Variants in EPHA6 observed in about 807,000 individuals in gnomAD.
EPHA6 encodes the protein ephrin type-A receptor 6.
A neutral mutation model predicts 112.0 loss-of-function variants in EPHA6; 50 were observed. The ratio of observed to expected loss-of-function variants is 0.45; its 90% CI spans 0.36 to 0.56. EPHA6 has a LOEUF of 0.56. EPHA6 is among the 20% of genes least tolerant of loss of function. EPHA6 has a pLI of 0.00. For missense variants in EPHA6, 1,280 were observed against 1,417.4 expected (o/e 0.90, Z 1.56); for synonymous variants, 529 against 490.7 (o/e 1.08, Z -1.03).
chr3:97,299,452 G>A (rs1041195708), intron 5 of EPHA6, among the ~76,000 whole-genome samples: 4 of 152,128 alleles, frequency 2.6e-5, no homozygotes, highest in African/African-American at 9.7e-5. Context: ...GGAAATAAAT[G>A]TGGGAGAGTT....
rs2036096889 is a variant in EPHA6, at chr3:97,759,194, C to T, written c.*10493C>T. 6.6e-6 allele frequency among the ~76,000 whole-genome samples: 1 copy of T among 151,958 alleles called. No individual in the cohort carries two copies. Among genetic ancestry groups the T allele is most frequent in the African/African-American group, 2.4e-5 (1 of 41,416 alleles). On this transcript the variant is annotated 3_prime_UTR_variant, in exon 18 of 18. Coordinates refer to ENST00000389672, the MANE Select transcript of EPHA6 (RefSeq NM_001080448.3). ...TAAGAAGTCAAGATTAGAACAAAGA[C>T]ATGTCCATGGGAATTAGCAACATGG... is the stretch of plus-strand genomic sequence containing the variant.
At chr3:97,712,834 T>C (rs528449364) in intron 14 of EPHA6, among the ~76,000 whole-genome samples, 56 of 152,286 alleles carry the variant, frequency 3.7e-4, no homozygotes, top group Middle Eastern at 3.4e-3. Flanking sequence ...TGCTTATACA[T>C]TTAAACAATG....
intron 11 of EPHA6, 68 bp from the exon 12 acceptor site, chr3:97,592,544 C>A: frequency 6.4e-7 from 1 of 1,568,266 alleles, no homozygotes. Flanking sequence ...AGGTTTTATT[C>A]CATGTAAATG....
At chr3:97,663,770 T>C (rs2094186465) in intron 14 of EPHA6, among the ~76,000 whole-genome samples, 1 of 152,220 alleles carries the variant, frequency 6.6e-6, no homozygotes, top group Non-Finnish European at 1.5e-5. Context: ...GTCTTTGCTA[T>C]TGTGAATAGT....
At chr3:97,571,392 A>T (rs2093331718) in intron 11 of EPHA6, among the ~76,000 whole-genome samples, 1 of 152,192 alleles carries the variant, frequency 6.6e-6, no homozygotes, top group South Asian at 2.1e-4. Context: ...AAAAAGTTTT[A>T]AAGTTAAAAC....
intron 3 of EPHA6, among the ~76,000 whole-genome samples, chr3:97,121,862 T>C (rs1008749457): frequency 4.6e-5 from 7 of 152,166 alleles, no homozygotes; most frequent in Non-Finnish European, 8.8e-5. Context: ...TGAGAATATA[T>C]TGAGGAACAC....
chr3:97,221,378 A>G (rs545222488), intron 3 of EPHA6, among the ~76,000 whole-genome samples: 35 of 151,728 alleles, frequency 2.3e-4, no homozygotes, highest in Non-Finnish European at 3.8e-4. Flanking sequence ...ATTTTTCTAA[A>G]GGAAAAAATA....
chr3:96,971,051 A>G (rs927219528), intron 2 of EPHA6, among the ~76,000 whole-genome samples: 2 of 152,106 alleles, frequency 1.3e-5, no homozygotes, highest in Admixed American at 6.6e-5. Flanking sequence ...TAGAAATCCT[A>G]TAAATCTTCA....
intron 6 of EPHA6, among the ~76,000 whole-genome samples, chr3:97,445,565 C>T (rs1577435749): frequency 6.6e-6 from 1 of 151,724 alleles, no homozygotes; most frequent in Non-Finnish European, 1.5e-5. Flanking sequence ...AATTTGTAAG[C>T]TTAAATTATA....
At chr3:97,488,857 G>T (rs2091763884) in intron 10 of EPHA6, among the ~76,000 whole-genome samples, 1 of 152,110 alleles carries the variant, frequency 6.6e-6, no homozygotes, top group Non-Finnish European at 1.5e-5. Context: ...ACAGATTTTG[G>T]CAAGGCCTTT....
At chr3:97,505,565 T>C (rs1284973869) in intron 10 of EPHA6, among the ~76,000 whole-genome samples, 1 of 152,148 alleles carries the variant, frequency 6.6e-6, no homozygotes, top group African/African-American at 2.4e-5. Flanking sequence ...ATATGTGCCA[T>C]GTTTTCTTTA....
chr3:96,821,422 A>T (rs555387599), intron 1 of EPHA6, among the ~76,000 whole-genome samples: 12 of 151,984 alleles, frequency 7.9e-5, no homozygotes, highest in South Asian at 6.2e-4. Context: ...TTTTATAGTT[A>T]TTTCATTTAA....
intron 1 of EPHA6, among the ~76,000 whole-genome samples, chr3:96,816,278 G>A (rs1300519476): frequency 2.0e-5 from 3 of 152,148 alleles, no homozygotes; most frequent in Non-Finnish European, 2.9e-5. Flanking sequence ...CTGACAGAAT[G>A]CAATCACAAA....
Position 96,870,168 on chromosome 3 carries a change from T to A in EPHA6, c.450+3279T>A, listed in dbSNP as rs576111666. Among the ~76,000 whole-genome samples, 13 of 152,134 alleles carry A rather than the reference T, an allele frequency of 8.5e-5. No homozygotes were observed. In the South Asian group the frequency reaches 2.5e-3, roughly 29 times the overall value. On this transcript the variant is annotated intron_variant, in intron 2 of 17. Coordinates refer to ENST00000389672, the MANE Select transcript of EPHA6 (RefSeq NM_001080448.3). Reference sequence around the variant, plus strand: ...TTTTTCTACCTAATGAGAGAGAGATTTAGATTTATTTTGGGAATTGGCTCA... The same window carrying A: ...TTTTTCTACCTAATGAGAGAGAGATATAGATTTATTTTGGGAATTGGCTCA...
chr3:97,586,857 T>C (rs1210330249), intron 11 of EPHA6, among the ~76,000 whole-genome samples: 2 of 152,204 alleles, frequency 1.3e-5, no homozygotes, highest in African/African-American at 2.4e-5. Context: ...GAAGTTATTC[T>C]TACTGTAGCT....
Position 97,244,198 on chromosome 3 carries a change from C to T in EPHA6, c.1517C>T (p.Thr506Ile), listed in dbSNP as rs2078923985. The T allele has an allele frequency of 6.2e-7, 1 of 1,613,090 alleles. No individual in the cohort carries two copies. The highest frequency in any genetic ancestry group is 1.7e-5 in the Admixed American group (1 of 59,858). ...VLDFVSHVNYTFEIEAMNGVS... is the reference protein window; with the variant it reads ...VLDFVSHVNYIFEIEAMNGVS... ...GACTTTGTGTCTCACGTGAATTACACCTTTGAAATAGAAGCAATGAATGGA... is the reference window on the plus strand; with the variant it reads ...GACTTTGTGTCTCACGTGAATTACATCTTTGAAATAGAAGCAATGAATGGA... The change falls in exon 5 of 18, where the codon ACC becomes ATC. Residue 506 changes from threonine (T) to isoleucine (I), a missense_variant. By Grantham distance (89) the Thr-to-Ile change is moderately conservative (BLOSUM62 -1). Transcript: ENST00000389672.
intron 13 of EPHA6, among the ~76,000 whole-genome samples, chr3:97,612,969 A>C (rs1344412337): frequency 1.3e-5 from 2 of 152,054 alleles, no homozygotes; most frequent in Non-Finnish European, 2.9e-5. Context: ...ATTTTATTAA[A>C]TTGCTTACTA....
intron 3 of EPHA6, among the ~76,000 whole-genome samples, chr3:97,119,663 A>C (rs2108299778): frequency 6.6e-6 from 1 of 152,192 alleles, no homozygotes; most frequent in Non-Finnish European, 1.5e-5. Flanking sequence ...GAAGAAATGG[A>C]AGTATTAATA....
At chr3:96,870,743 A>G in intron 2 of EPHA6, among the ~76,000 whole-genome samples, 1 of 152,122 alleles carries the variant, frequency 6.6e-6, no homozygotes, top group Non-Finnish European at 1.5e-5. Flanking sequence ...CAACCTCTGT[A>G]GAAAGATACT....
Sources: allele counts gnomAD v4.1 joint callset (sites outside exome capture counted in the v4.1 genomes callset), GRCh38; gene constraint gnomAD v4.1.1; transcripts MANE v1.5; gene names NCBI Gene and HGNC (gene_info 2026-07-23, HGNC 2026-07-21).